The following BUB1B variants were observed in gnomAD, a reference collection of about 807,000 sequenced individuals.
The protein encoded by BUB1B is BUB1 mitotic checkpoint serine/threonine kinase B, also known as mitotic checkpoint serine/threonine-protein kinase BUB1 beta.
BUB1B carries 86 observed loss-of-function variants against 137.7 expected under a neutral mutation model. The observed-to-expected ratio is 0.62, with a 90% CI of 0.52 to 0.75. The LOEUF (loss-of-function observed/expected upper bound fraction) is 0.75. Among genes scored for constraint, BUB1B ranks in the 30% least tolerant of loss-of-function variants. The pLI is 0.00. For synonymous variants in BUB1B, 420 were observed against 417.9 expected (o/e 1.00, Z -0.06); for missense variants, 1,130 against 1,236.9 (o/e 0.91, Z 1.30).
intron 14 of BUB1B, 81 bp from the exon 15 acceptor site, chr15:40,206,103 G>A: frequency 7.0e-7 from 1 of 1,428,490 alleles, no homozygotes; most frequent in Non-Finnish European, 9.8e-7. Flanking sequence ...CTGTGTCACT[G>A]AGCTAATATG....
chr15:40,217,244 G>C (rs757373379), intron 20 of BUB1B, among the ~76,000 whole-genome samples: 3 of 152,206 alleles, frequency 2.0e-5, no homozygotes, highest in Non-Finnish European at 2.9e-5. Context: ...ATGGAAGCTT[G>C]ATAAATGTTT....
rs187956989 is a variant in BUB1B, at chr15:40,204,915, C to T, written c.1735-1269C>T. On this transcript the variant is annotated intron_variant, in intron 14 of 22. Coordinates refer to ENST00000287598, the MANE Select transcript of BUB1B (RefSeq NM_001211.6). ...CCTGCCTCCCAAAGTGTTGGGATTA[C>T]AGGTGTGAGCAAATGTACCTGGCCA... 3.4e-5 allele frequency among the ~76,000 whole-genome samples: 5 copies of T among 149,180 alleles called. No individual in the cohort carries two copies. In the Admixed American group the frequency reaches 3.4e-4, roughly 10 times the overall value.
chr15:40,216,612 CA>C, intron 20 of BUB1B, among the ~76,000 whole-genome samples: 1 of 131,436 alleles, frequency 7.6e-6, no homozygotes, highest in African/African-American at 2.8e-5. Flanking sequence ...TTATGGTGGC[CA>C]AAAAAGGTTG....
intron 5 of BUB1B, among the ~76,000 whole-genome samples, chr15:40,179,697 T>G (rs149929856): frequency 2.6e-5 from 4 of 152,188 alleles, no homozygotes; most frequent in African/African-American, 9.6e-5. Context: ...TACCTTCTTT[T>G]GGATTATCTG....
chr15:40,208,874 A>T, intron 16 of BUB1B, 104 bp downstream of exon 16: 2 of 1,198,374 alleles, frequency 1.7e-6, no homozygotes, highest in Non-Finnish European at 2.4e-6. Context: ...TCACTCTGTC[A>T]CCCAGGATGG....
At chr15:40,218,715 G>T (rs1566830881) in intron 22 of BUB1B, among the ~76,000 whole-genome samples, 153 bp downstream of exon 22, 1 of 152,210 alleles carries the variant, frequency 6.6e-6, no homozygotes, top group Non-Finnish European at 1.5e-5. Flanking sequence ...CAGCAGAGCA[G>T]CTAGTGCAGG....
At chr15:40,197,853 G>A (rs1367433733) in intron 9 of BUB1B, among the ~76,000 whole-genome samples, 1 of 152,222 alleles carries the variant, frequency 6.6e-6, no homozygotes, top group African/African-American at 2.4e-5. Flanking sequence ...TGCAAAGCAA[G>A]GTGTTGAGTA....
intron 22 of BUB1B, 29 bp downstream of exon 22, chr15:40,218,591 G>C (rs1442419953): frequency 3.3e-6 from 5 of 1,506,898 alleles, no homozygotes; most frequent in Non-Finnish European, 4.6e-6. Context: ...CAGGGTCTCT[G>C]CCTGTCCCAA....
chr15:40,167,438 G>A (rs908443473), intron 2 of BUB1B, among the ~76,000 whole-genome samples: 1 of 149,208 alleles, frequency 6.7e-6, no homozygotes, highest in African/African-American at 2.5e-5. Context: ...CGCCTCCCGG[G>A]TTCAAGTGAT....
chr15:40,180,020 G>A (rs963084134), intron 5 of BUB1B, among the ~76,000 whole-genome samples: 15 of 149,638 alleles, frequency 1.0e-4, no homozygotes, highest in African/African-American at 3.7e-4. Context: ...ATAGTCTGTT[G>A]TGTTTACCCT....
chr15:40,220,105 T>G (rs932444910), intron 22 of BUB1B, among the ~76,000 whole-genome samples: 62 of 152,100 alleles, frequency 4.1e-4, no homozygotes, highest in African/African-American at 1.3e-3. Flanking sequence ...AAGAAAATAA[T>G]AAGAAGCAAA....
chr15:40,214,469 G>C (rs1158669283), intron 20 of BUB1B, among the ~76,000 whole-genome samples: 1 of 152,218 alleles, frequency 6.6e-6, no homozygotes, highest in Admixed American at 6.5e-5. Context: ...CTGGTTTAAA[G>C]ATGCTGTGTC....
At chr15:40,186,507 C>T (rs955787954) in intron 8 of BUB1B, among the ~76,000 whole-genome samples, 19 of 125,442 alleles carry the variant, frequency 1.5e-4, no homozygotes, top group African/African-American at 2.5e-4. Context: ...TGCAGTGGTG[C>T]GATCTGGGCT....
Position 40,170,635 on chromosome 15 carries a change from A to G in BUB1B, c.338A>G (p.Lys113Arg). 6.2e-7 allele frequency: 1 copy of G among 1,613,736 alleles called. No homozygotes were observed. The highest frequency in any genetic ancestry group is 8.5e-7 in the Non-Finnish European group (1 of 1,179,754). ...GCTGTAGAAGCACTACAAGGAGAAA[A>G]ACGATATTATAGTGATCCTCGATTT... is the stretch of plus-strand genomic sequence containing the variant. ...ERAVEALQGE[K>R]RYYSDPRFLN... The change falls in exon 4 of 23, where the codon AAA (lysine) becomes AGA (arginine). Residue 113 changes from lysine (K) to arginine (R), a missense_variant. By Grantham distance (26) the Lys-to-Arg change is conservative. Transcript: ENST00000287598.
chr15:40,165,737 A>G (rs1258494415), intron 2 of BUB1B, among the ~76,000 whole-genome samples: 2 of 152,260 alleles, frequency 1.3e-5, no homozygotes, highest in East Asian at 3.8e-4. Flanking sequence ...AAAAAGGTAA[A>G]TCAGAGTATC....
chr15:40,213,741 T>C (rs1595535639), intron 20 of BUB1B, among the ~76,000 whole-genome samples: 1 of 152,186 alleles, frequency 6.6e-6, no homozygotes, highest in East Asian at 1.9e-4. Context: ...TTTCACCATG[T>C]TGCCCAGGCT....
At chr15:40,220,420 G>A in intron 22 of BUB1B, 144 bp from the exon 23 acceptor site, 1 of 803,138 alleles carries the variant, frequency 1.2e-6, no homozygotes, top group Non-Finnish European at 2.0e-6. Flanking sequence ...GCTTTCAAAG[G>A]ACTATTTGAA....
intron 6 of BUB1B, among the ~76,000 whole-genome samples, chr15:40,184,328 G>A (rs946380237): frequency 6.7e-6 from 1 of 148,370 alleles, no homozygotes; most frequent in African/African-American, 2.5e-5. Flanking sequence ...TTTTTTTTGA[G>A]AGATAGGTTC....
chr15:40,166,892 C>A lies in BUB1B; in HGVS notation c.179+1696C>A, dbSNP rs148396125. On this transcript the variant is annotated intron_variant, in intron 2 of 22. Transcript: ENST00000287598. ...TTCCCTGGTGACTAATAATGGTGAACGTTTTTTCACATGCTTTTTGGCCTT... is the reference window on the plus strand; with the variant it reads ...TTCCCTGGTGACTAATAATGGTGAAAGTTTTTTCACATGCTTTTTGGCCTT... Among the ~76,000 whole-genome samples, 34 of 152,100 alleles carry A rather than the reference C, an allele frequency of 2.2e-4. No homozygotes were observed. In the East Asian group the frequency reaches 6.4e-3, roughly 28 times the overall value.
Sources: gnomAD v4.1 joint callset for allele counts (sites outside exome capture counted in the v4.1 genomes callset) on GRCh38, gnomAD v4.1.1 for gene constraint, MANE v1.5 for transcripts, NCBI Gene and HGNC (gene_info 2026-07-23, HGNC 2026-07-21) for gene names.